Variants in EYS observed in about 807,000 individuals in gnomAD.
EYS encodes protein eyes shut homolog.
A neutral mutation model predicts 282.1 loss-of-function variants in EYS; 250 were observed. The observed-to-expected ratio is 0.89, with a 90% CI of 0.80 to 0.98. EYS has a LOEUF of 0.98. Ranked by LOEUF, EYS falls within the 50% of genes least tolerant of loss-of-function variation. EYS has a pLI of 0.00. For missense variants in EYS, 4,016 were observed against 3,709.0 expected (o/e 1.08, Z -2.15); for synonymous variants, 1,355 against 1,282.9 (o/e 1.06, Z -1.20).
At chr6:63,927,329 G>T (rs538652628) in intron 35 of EYS, among the ~76,000 whole-genome samples, 1 of 152,308 alleles carries the variant, frequency 6.6e-6, no homozygotes, top group African/African-American at 2.4e-5. Flanking sequence ...TGGGCCAGTT[G>T]CCCTTTGCAT....
chr6:64,788,450 T>C (rs1774087988), intron 22 of EYS, among the ~76,000 whole-genome samples: 2 of 152,158 alleles, frequency 1.3e-5, no homozygotes, highest in African/African-American at 4.8e-5. Context: ...TTGTTCAAAA[T>C]TGCAAATTCC....
intron 36 of EYS, among the ~76,000 whole-genome samples, chr6:63,861,838 G>A (rs1772538067): frequency 6.6e-6 from 1 of 152,170 alleles, no homozygotes; most frequent in African/African-American, 2.4e-5. Context: ...CCAGAACCAA[G>A]TTCACTGGTG....
At chr6:65,520,108 T>C (rs1767310676) in intron 2 of EYS, among the ~76,000 whole-genome samples, 1 of 152,102 alleles carries the variant, frequency 6.6e-6, no homozygotes, top group African/African-American at 2.4e-5. Flanking sequence ...ACTTGATACA[T>C]ATCACCCCCT....
rs190318491 is a variant in EYS, at chr6:63,821,460, G to T, written c.7229-15088C>A. On this transcript the variant is annotated intron_variant, in intron 36 of 42. Coordinates refer to ENST00000503581, the MANE Select transcript of EYS (RefSeq NM_001142800.2). ...AAGGGTTTTAGAAACACAACTTGGA[G>T]AGCTTAATATGTATCCCTGAAGTTT... is the stretch of plus-strand genomic sequence containing the variant. 3.3e-5 allele frequency: 5 copies of T among 152,292 alleles called. No individual in the cohort carries two copies. The East Asian group carries it at 9.7e-4, about 29-fold the overall frequency. The allele number at this position is 152,292 out of a possible 1,614,324, so 9.4% of individuals were successfully genotyped here.
intron 30 of EYS, among the ~76,000 whole-genome samples, chr6:64,293,519 A>G (rs1355001240): frequency 1.3e-5 from 2 of 152,128 alleles, no homozygotes; most frequent in African/African-American, 4.8e-5. Flanking sequence ...TATTTAAAAG[A>G]GGATGGCAGG....
intron 2 of EYS, among the ~76,000 whole-genome samples, chr6:65,514,225 C>G (rs1483053254): frequency 5.3e-5 from 8 of 151,996 alleles, no homozygotes; most frequent in Non-Finnish European, 1.2e-4. Flanking sequence ...AGGAATCCAA[C>G]TTACAAGGGA....
At chr6:65,417,911 T>A (rs1407167912) in intron 5 of EYS, among the ~76,000 whole-genome samples, 1 of 151,876 alleles carries the variant, frequency 6.6e-6, no homozygotes, top group African/African-American at 2.4e-5. Flanking sequence ...AAATCATGCA[T>A]AGAATACCAA....
At chr6:65,403,436 A>T (rs931275155) in intron 6 of EYS, among the ~76,000 whole-genome samples, 19 of 151,886 alleles carry the variant, frequency 1.3e-4, no homozygotes, top group African/African-American at 3.9e-4. Context: ...CATTTTCATT[A>T]TCATATTTAT....
chr6:65,267,105 G>A (rs1280590604), intron 12 of EYS, among the ~76,000 whole-genome samples: 1 of 151,260 alleles, frequency 6.6e-6, no homozygotes, highest in Non-Finnish European at 1.5e-5. Context: ...AAGCAGACAA[G>A]TACCTCGGCT....
intron 28 of EYS, among the ~76,000 whole-genome samples, chr6:64,405,641 A>C (rs894886022): frequency 6.6e-6 from 1 of 152,214 alleles, no homozygotes; most frequent in African/African-American, 2.4e-5. Context: ...ATCAGGATAC[A>C]AAATCAATGT....
intron 22 of EYS, among the ~76,000 whole-genome samples, chr6:64,765,649 A>C (rs1373023627): frequency 6.6e-6 from 1 of 152,192 alleles, no homozygotes; most frequent in Non-Finnish European, 1.5e-5. Context: ...AAAACTTACA[A>C]CTATGCTACA....
intron 12 of EYS, among the ~76,000 whole-genome samples, chr6:65,108,770 A>G (rs1217314721): frequency 2.0e-5 from 3 of 152,150 alleles, no homozygotes; most frequent in Admixed American, 2.0e-4. Context: ...ATATGTTCAT[A>G]TATAATTTTT....
At chr6:65,566,377 G>C (rs1562262841) in intron 2 of EYS, among the ~76,000 whole-genome samples, 1 of 151,902 alleles carries the variant, frequency 6.6e-6, no homozygotes, top group Non-Finnish European at 1.5e-5. Flanking sequence ...GGAAGGATGA[G>C]GGGACAAGAC....
chr6:63,767,969 T>C (rs1355011228), intron 40 of EYS, among the ~76,000 whole-genome samples: 1 of 152,074 alleles, frequency 6.6e-6, no homozygotes, highest in Non-Finnish European at 1.5e-5. Flanking sequence ...TAACAAGCAC[T>C]GGGGAAAGGG....
intron 36 of EYS, among the ~76,000 whole-genome samples, chr6:63,830,073 A>G (rs1582252300): frequency 6.6e-6 from 1 of 152,352 alleles, no homozygotes; most frequent in African/African-American, 2.4e-5. Flanking sequence ...CGTCACCATC[A>G]TCAAAGACCA....
In EYS at chr6:64,026,701, A is replaced by G. The variant is rs146528251; in HGVS notation, c.6726-27518T>C. Among the ~76,000 whole-genome samples, 541 of 152,276 alleles carry G rather than the reference A, an allele frequency of 3.6e-3. 3 individuals are homozygous for G. The highest frequency in any genetic ancestry group is 0.012 in the African/African-American group (509 of 41,558). ...GCTTACCCCCATATCCTATCCTCCTATAGCTCCCCTTCCTATTAATGATAA... is the reference window on the plus strand; with the variant it reads ...GCTTACCCCCATATCCTATCCTCCTGTAGCTCCCCTTCCTATTAATGATAA... On this transcript the variant is annotated intron_variant, in intron 33 of 42. Transcript: ENST00000503581.
intron 22 of EYS, among the ~76,000 whole-genome samples, chr6:64,705,450 C>A (rs1770970889): frequency 6.6e-6 from 1 of 152,016 alleles, no homozygotes; most frequent in South Asian, 2.1e-4. Context: ...ATACCACCAT[C>A]ATTCTTTACA....
chr6:65,483,271 T>C lies in EYS; in HGVS notation c.862+7323A>G, dbSNP rs184780176. On this transcript the variant is annotated intron_variant, in intron 5 of 42. Coordinates refer to ENST00000503581, the MANE Select transcript of EYS (RefSeq NM_001142800.2). ...CAAGAATTTGTTTTTCTAAGGGCTC[T>C]TAAGTTTTGAAATATGATTGGCATG... Among the ~76,000 whole-genome samples, 18 of 152,244 alleles carry C rather than the reference T, an allele frequency of 1.2e-4. 1 individual carries two copies. Among genetic ancestry groups the C allele is most frequent in the African/African-American group, 4.3e-4 (18 of 41,542 alleles).
At chr6:63,803,952 G>A (rs1770840498) in intron 37 of EYS, among the ~76,000 whole-genome samples, 1 of 152,128 alleles carries the variant, frequency 6.6e-6, no homozygotes, top group African/African-American at 2.4e-5. Flanking sequence ...TTTGGTGAAG[G>A]TGGCTACAGA....
Sources: allele counts gnomAD v4.1 joint callset (sites outside exome capture counted in the v4.1 genomes callset), GRCh38; gene constraint gnomAD v4.1.1; transcripts MANE v1.5; gene names NCBI Gene and HGNC (gene_info 2026-07-23, HGNC 2026-07-21).